Variants in MBP observed in about 807,000 individuals in gnomAD.
The protein encoded by MBP is myelin basic protein, also known as Golli-MBP.
MBP carries 16 observed loss-of-function variants against 35.8 expected under a neutral mutation model. The ratio of observed to expected loss-of-function variants is 0.45; its 90% CI spans 0.30 to 0.68. The LOEUF is 0.68. Ranked by LOEUF, MBP falls within the 30% of genes least tolerant of loss-of-function variation. The pLI is 0.08. For missense variants in MBP, 380 were observed against 404.7 expected, an observed-to-expected ratio of 0.94 and a Z score of 0.52; for synonymous variants, 143 against 159.6, an observed-to-expected ratio of 0.90 and a Z score of 0.78.
At chr18:76,997,353 G>A (rs1023983029) in intron 4 of MBP, among the ~76,000 whole-genome samples, 2 of 152,230 alleles carry the variant, frequency 1.3e-5, no homozygotes, top group African/African-American at 4.8e-5. Flanking sequence ...CGCCACCTGT[G>A]TGGCCTTCAG....
At chr18:77,112,378 T>C (rs1976495547) in intron 1 of MBP, among the ~76,000 whole-genome samples, 1 of 152,172 alleles carries the variant, frequency 6.6e-6, no homozygotes, top group African/African-American at 2.4e-5. Flanking sequence ...TGATTGCGTG[T>C]TCATCACGAT....
chr18:77,035,174 T>C lies in MBP; in HGVS notation c.140-17906A>G, dbSNP rs1376560291. Among the ~76,000 whole-genome samples the C allele has an allele frequency of 6.6e-5, 10 of 152,288 alleles. No homozygotes were observed. The East Asian group carries it at 1.9e-3, about 29-fold the overall frequency. On this transcript the variant is annotated intron_variant, in intron 3 of 8. Coordinates refer to ENST00000355994, the MANE Select transcript of MBP (RefSeq NM_001025101.2). ...CCCAGGTTTCCTCTGCTTCTCCAGG[T>C]GGCTGCTTCTTACGCATTCCGTACT... is the stretch of plus-strand genomic sequence containing the variant.
chr18:77,049,281 G>A lies in MBP; in HGVS notation c.139+17017C>T, dbSNP rs550418645. Among the ~76,000 whole-genome samples the A allele has an allele frequency of 2.6e-5, 4 of 152,286 alleles. No individual in the cohort carries two copies. In the East Asian group the frequency reaches 7.7e-4, roughly 29 times the overall value. Reference sequence around the variant, plus strand: ...ACTCCTGCCTGACGCGGTTTCTGGGGCATAAAAACTGTTCAATAAGTATTT... The same window carrying A: ...ACTCCTGCCTGACGCGGTTTCTGGGACATAAAAACTGTTCAATAAGTATTT... On this transcript the variant is annotated intron_variant, in intron 3 of 8. Transcript: ENST00000355994.
At chr18:77,004,174 T>C (rs1027610937) in intron 4 of MBP, 3 of 152,108 alleles carry the variant, frequency 2.0e-5, no homozygotes, top group African/African-American at 7.2e-5. Context: ...TTCCGAGAAA[T>C]CACAGAACAC....
intron 3 of MBP, among the ~76,000 whole-genome samples, chr18:77,048,562 G>A (rs1390844320): frequency 2.7e-3 from 1 of 374 alleles, no homozygotes; most frequent in Non-Finnish European, 4.4e-3. Context: ...TCCGCCTCCT[G>A]GGTTAATTCT....
intron 3 of MBP, among the ~76,000 whole-genome samples, chr18:77,026,055 G>T (rs541966710): frequency 1.3e-5 from 2 of 152,392 alleles, no homozygotes; most frequent in African/African-American, 2.4e-5. Flanking sequence ...CTGGGATGAG[G>T]CTGAGCCTGT....
intron 4 of MBP, chr18:76,990,965 T>A: frequency 3.9e-6 from 1 of 254,556 alleles, no homozygotes; most frequent in Non-Finnish European, 8.2e-6. Context: ...TCAAGGGGGA[T>A]TCCATCTGAG....
intron 3 of MBP, among the ~76,000 whole-genome samples, chr18:77,028,325 A>C (rs1972317645): frequency 7.3e-6 from 1 of 137,866 alleles, no homozygotes; most frequent in Non-Finnish European, 1.6e-5. Flanking sequence ...ACCGATCAAC[A>C]GGATCCCAAG....
Position 77,066,297 on chromosome 18 carries a change from C to T in MBP, c.139+1G>A. The stretch of plus-strand genomic sequence containing the variant: ...ATGTTGCCGATATCTGCGTCACCTA[C>T]CGAACACTTCGTTGTCCTCTGAGGT... On this transcript the variant is annotated splice_donor_variant, in intron 3 of 8. Coordinates refer to ENST00000355994, the MANE Select transcript of MBP (RefSeq NM_001025101.2). LOFTEE classifies it high-confidence loss of function. 6.2e-7 allele frequency: 1 copy of T among 1,612,904 alleles called. No individual in the cohort carries two copies. The highest frequency in any genetic ancestry group is 8.5e-7 in the Non-Finnish European group (1 of 1,179,178).
chr18:77,043,942 C>A (rs1973115145), intron 3 of MBP, among the ~76,000 whole-genome samples: 1 of 152,142 alleles, frequency 6.6e-6, no homozygotes, highest in Non-Finnish European at 1.5e-5. Context: ...TTCTACCTGA[C>A]CCAGACTCCC....
intron 8 of MBP, chr18:76,980,786 T>G: frequency 3.1e-6 from 1 of 318,270 alleles, no homozygotes; most frequent in Middle Eastern, 9.5e-4. Context: ...GCCGCTCCAT[T>G]GCTTTGCTTT....
At chr18:77,095,316 G>T (rs913229137) in intron 2 of MBP, 1 of 152,148 alleles carries the variant, frequency 6.6e-6, no homozygotes, top group Admixed American at 6.5e-5. Flanking sequence ...TATATTAAAT[G>T]GCCAATTTAA....
chr18:77,025,419 C>A (rs570053935), intron 3 of MBP, among the ~76,000 whole-genome samples: 12 of 152,164 alleles, frequency 7.9e-5, no homozygotes, highest in Non-Finnish European at 1.3e-4. Flanking sequence ...GTGCACTCAG[C>A]GGTCTTGGTG....
chr18:77,000,097 C>A (rs762930887), intron 4 of MBP, among the ~76,000 whole-genome samples: 12 of 152,054 alleles, frequency 7.9e-5, no homozygotes, highest in Non-Finnish European at 1.8e-4. Flanking sequence ...TAATTTGGAG[C>A]TGAATACCTG....
intron 7 of MBP, chr18:76,986,882 A>T: frequency 2.0e-6 from 2 of 985,422 alleles, no homozygotes; most frequent in Non-Finnish European, 2.4e-6. Context: ...AGTCATGTTT[A>T]TCTTTGGGGA....
At chr18:77,038,793 G>A (rs1035535266) in intron 3 of MBP, among the ~76,000 whole-genome samples, 2 of 152,168 alleles carry the variant, frequency 1.3e-5, no homozygotes, top group African/African-American at 4.8e-5. Flanking sequence ...TATGATGTGT[G>A]CTCTTGTTAG....
intron 4 of MBP, chr18:77,015,268 T>G (rs956900760): frequency 2.0e-6 from 2 of 985,118 alleles, no homozygotes; most frequent in African/African-American, 3.5e-5. Flanking sequence ...TAAGTACATT[T>G]TTTTTTTCTG....
chr18:76,990,897 A>C, intron 4 of MBP: 1 of 315,246 alleles, frequency 3.2e-6, no homozygotes, highest in Non-Finnish European at 6.4e-6. Context: ...TCTATCACCG[A>C]CTCAGTGTGC....
At chr18:77,098,202 A>G (rs529647505) in intron 2 of MBP, among the ~76,000 whole-genome samples, 2 of 125,998 alleles carry the variant, frequency 1.6e-5, no homozygotes, top group East Asian at 5.7e-4. Context: ...AATAATAGCA[A>G]TAAGAAGAAA....
Sources: gnomAD v4.1 joint callset for allele counts (sites outside exome capture counted in the v4.1 genomes callset) on GRCh38, gnomAD v4.1.1 for gene constraint, MANE v1.5 for transcripts, NCBI Gene and HGNC (gene_info 2026-07-23, HGNC 2026-07-21) for gene names.